The following MALRD1 variants were observed in gnomAD, a reference collection of about 807,000 sequenced individuals.
MALRD1 encodes MAM and LDL receptor class A domain containing 1, also known as MAM and LDL-receptor class A domain-containing protein 1.
In MALRD1, 247 loss-of-function variants were observed where a neutral mutation model predicts 242.1. The observed-to-expected ratio is 1.02, with a 90% CI of 0.92 to 1.13. MALRD1 has a LOEUF of 1.13. Ranked by LOEUF, MALRD1 falls within the 50% of genes most tolerant of loss-of-function variation. The pLI is 0.00. For synonymous variants in MALRD1, 995 were observed against 866.6 expected (o/e 1.15, Z -2.60); for missense variants, 2,989 against 2,533.1 (o/e 1.18, Z -3.86).
chr10:19,399,947 A>T (rs762840620), intron 28 of MALRD1, among the ~76,000 whole-genome samples: 3 of 152,190 alleles, frequency 2.0e-5, no homozygotes, highest in Non-Finnish European at 4.4e-5. Context: ...GCAGTTTGGG[A>T]TATACTATGC....
chr10:19,445,245 G>A (rs368705942), intron 28 of MALRD1, among the ~76,000 whole-genome samples: 24 of 152,196 alleles, frequency 1.6e-4, no homozygotes, highest in South Asian at 2.1e-4. Flanking sequence ...TTTGCAATGC[G>A]TTCGAACATC....
chr10:19,242,998 CCTTT>C (rs1838860023), intron 18 of MALRD1, among the ~76,000 whole-genome samples: 1 of 150,516 alleles, frequency 6.6e-6, no homozygotes, highest in South Asian at 2.1e-4. Context: ...TTCACTTCTT[CCTTT>C]CTTATTGTTT....
chr10:19,518,360 G>A (rs1249049937), intron 31 of MALRD1, among the ~76,000 whole-genome samples: 2 of 152,138 alleles, frequency 1.3e-5, no homozygotes, highest in African/African-American at 4.8e-5. Flanking sequence ...GAATTATTGT[G>A]CAGATATTAT....
chr10:19,498,132 G>C (rs1254655848), intron 30 of MALRD1, among the ~76,000 whole-genome samples: 1 of 152,176 alleles, frequency 6.6e-6, no homozygotes, highest in Non-Finnish European at 1.5e-5. Context: ...ATAAGGGACG[G>C]AAGTGAATTA....
At chr10:19,487,765 T>G (rs1046665617) in intron 29 of MALRD1, among the ~76,000 whole-genome samples, 12 of 152,238 alleles carry the variant, frequency 7.9e-5, no homozygotes, top group African/African-American at 2.9e-4. Flanking sequence ...AATATGACCT[T>G]TAAGTCTTTG....
intron 7 of MALRD1, among the ~76,000 whole-genome samples, chr10:19,125,201 C>A (rs1837214641): frequency 6.6e-6 from 1 of 152,006 alleles, no homozygotes; most frequent in African/African-American, 2.4e-5. Flanking sequence ...CCACCTTAGC[C>A]TCCTGAAGTG....
intron 36 of MALRD1, among the ~76,000 whole-genome samples, chr10:19,646,898 G>T (rs960771435): frequency 1.3e-5 from 2 of 152,162 alleles, no homozygotes; most frequent in Admixed American, 1.3e-4. Flanking sequence ...AAATGTGCTG[G>T]AGGTGTAATC....
At chr10:19,242,936 A>G in intron 18 of MALRD1, among the ~76,000 whole-genome samples, 1 of 152,088 alleles carries the variant, frequency 6.6e-6, no homozygotes, top group South Asian at 2.1e-4. Context: ...TTTATTATTG[A>G]TAAATTAGGA....
intron 26 of MALRD1, among the ~76,000 whole-genome samples, chr10:19,371,472 TTTTTG>T (rs141573039): frequency 0.6 from 87,637 of 146,264 alleles, 25,567 homozygotes; most frequent in Middle Eastern, 0.64. Flanking sequence ...AAATTATGTT[TTTTTG>T]TTTTGTTTTG....
intron 19 of MALRD1, among the ~76,000 whole-genome samples, chr10:19,262,673 A>G (rs1839803721): frequency 6.8e-6 from 1 of 146,474 alleles, no homozygotes; most frequent in Non-Finnish European, 1.5e-5. Context: ...AAAAAAAAAA[A>G]GCACTTAAGA....
intron 33 of MALRD1, among the ~76,000 whole-genome samples, chr10:19,580,850 A>G (rs747838495): frequency 3.0e-4 from 46 of 152,096 alleles, no homozygotes; most frequent in Non-Finnish European, 6.3e-4. Context: ...TCATGGCCAA[A>G]CAAGCCTTCC....
chr10:19,157,482 C>T (rs769170329), intron 12 of MALRD1, among the ~76,000 whole-genome samples: 2 of 151,990 alleles, frequency 1.3e-5, no homozygotes, highest in Non-Finnish European at 2.9e-5. Context: ...CTCCTGACCT[C>T]GTGATTCACC....
intron 34 of MALRD1, among the ~76,000 whole-genome samples, chr10:19,602,137 C>A (rs1382412420): frequency 7.1e-6 from 1 of 140,274 alleles, no homozygotes; most frequent in Non-Finnish European, 1.5e-5. Flanking sequence ...TCCTGCAAGT[C>A]TATCAGTGCC....
intron 30 of MALRD1, among the ~76,000 whole-genome samples, chr10:19,492,200 A>G (rs1467211591): frequency 6.6e-6 from 1 of 152,172 alleles, no homozygotes; most frequent in Admixed American, 6.5e-5. Context: ...TATAATTTTA[A>G]AATATGAGCA....
chr10:19,565,793 G>A (rs1836224961), intron 32 of MALRD1, among the ~76,000 whole-genome samples: 1 of 152,072 alleles, frequency 6.6e-6, no homozygotes, highest in African/African-American at 2.4e-5. Context: ...TTTTTTGCTT[G>A]AGAAATGTCT....
At chr10:19,398,151 A>C (rs1846671604) in intron 28 of MALRD1, among the ~76,000 whole-genome samples, 1 of 151,960 alleles carries the variant, frequency 6.6e-6, no homozygotes, top group Non-Finnish European at 1.5e-5. Flanking sequence ...TGCTGTGCAG[A>C]AGCTTTATAG....
At chr10:19,133,562 G>T (rs925914330) in intron 8 of MALRD1, among the ~76,000 whole-genome samples, 2 of 151,988 alleles carry the variant, frequency 1.3e-5, no homozygotes, top group East Asian at 3.9e-4. Flanking sequence ...CTGTTATTTA[G>T]AATTTTATTT....
At chr10:19,082,804 C>T (rs1451307745) in intron 2 of MALRD1, among the ~76,000 whole-genome samples, 2 of 151,950 alleles carry the variant, frequency 1.3e-5, no homozygotes, top group African/African-American at 4.8e-5. Context: ...AGTGACTTTA[C>T]TGAGAGTCTC....
At chr10:19,681,858 CTTTT>C (rs56244200) in intron 36 of MALRD1, among the ~76,000 whole-genome samples, 3 of 111,176 alleles carry the variant, frequency 2.7e-5, no homozygotes, top group Non-Finnish European at 1.9e-5. Flanking sequence ...GGGAATGTCA[CTTTT>C]TTTTTTTTTT....
Sources: allele counts gnomAD v4.1 joint callset (sites outside exome capture counted in the v4.1 genomes callset), GRCh38; gene constraint gnomAD v4.1.1; transcripts MANE v1.5; gene names NCBI Gene and HGNC (gene_info 2026-07-23, HGNC 2026-07-21).